Variants in ACIN1 observed in about 807,000 individuals in gnomAD.
The protein encoded by ACIN1 is apoptotic chromatin condensation inducer 1.
In ACIN1, 16 loss-of-function variants were observed where a neutral mutation model predicts 146.6. That is an observed-to-expected ratio of 0.11 (90% CI 0.07 to 0.17). The LOEUF (loss-of-function observed/expected upper bound fraction) is 0.17. Among genes scored for constraint, ACIN1 ranks in the 10% least tolerant of loss-of-function variants. The pLI, the probability that ACIN1 is intolerant of heterozygous loss-of-function variation, is 1.00. For synonymous variants in ACIN1, 569 were observed against 582.7 expected (o/e 0.98, Z 0.34); for missense variants, 1,357 against 1,609.3 (o/e 0.84, Z 2.68).
intron 8 of ACIN1, chr14:23,071,087 G>A (rs765498492): frequency 2.0e-6 from 3 of 1,537,488 alleles, no homozygotes; most frequent in South Asian, 2.4e-5. Flanking sequence ...AGCTAGGGCG[G>A]CGGGGAAAAG....
At chr14:23,093,977 C>A (rs2048296827) in intron 1 of ACIN1, among the ~76,000 whole-genome samples, 1 of 152,086 alleles carries the variant, frequency 6.6e-6, no homozygotes, top group African/African-American at 2.4e-5. Context: ...TACCCAGTAC[C>A]AGGGTCAATT....
chr14:23,085,508 G>A (rs2048068544), intron 4 of ACIN1, among the ~76,000 whole-genome samples: 1 of 152,148 alleles, frequency 6.6e-6, no homozygotes. Flanking sequence ...TAGGATTTCT[G>A]GATGATTACT....
rs1566762750 is a variant in ACIN1, at chr14:23,094,999, A to G, written c.114T>C (p.Ser38=). 9.3e-6 allele frequency: 15 copies of G among 1,607,014 alleles called. No homozygotes were observed. Among genetic ancestry groups the G allele is most frequent in the Non-Finnish European group, 1.0e-5 (12 of 1,179,682 alleles). The part of the protein sequence containing the change: ...QRGLAKSGQK[S]ALVKRLKGAL... ...CCCCTTTGAGCCGCTTGACCAGGGC[A>G]CTCTTCTGCCCGCTCTTGGCTAGGC... Residue 38 remains serine, a synonymous_variant, in exon 1 of 19, where the codon AGT becomes AGC. Transcript: ENST00000605057.
rs181147815 is a variant in ACIN1 at position 23,070,723 on chromosome 14, C to T, written c.2124-1106G>A. The stretch of plus-strand genomic sequence containing the variant: ...AGAGGGGAAACCAAGCCTCCCAGGC[C>T]GATAACCACCACCAGAAAAGTCAGC... On this transcript the variant is annotated intron_variant, in intron 8 of 18. Coordinates refer to ENST00000605057, the MANE Select transcript of ACIN1 (RefSeq NM_001386863.1). Among the ~76,000 whole-genome samples, 143 of 152,216 alleles carry T rather than the reference C, an allele frequency of 9.4e-4. 2 individuals are homozygous for T. The highest frequency in any genetic ancestry group is 3.4e-3 in the Middle Eastern group (1 of 294).
chr14:23,087,369 G>A (rs1291385861), intron 4 of ACIN1, among the ~76,000 whole-genome samples: 1 of 151,828 alleles, frequency 6.6e-6, no homozygotes, highest in African/African-American at 2.4e-5. Context: ...AAAGGACACT[G>A]AAGAGCATTT....
intron 8 of ACIN1, among the ~76,000 whole-genome samples, chr14:23,072,093 T>C (rs945640355): frequency 7.2e-5 from 11 of 152,292 alleles, no homozygotes; most frequent in African/African-American, 2.2e-4. Flanking sequence ...GAATTGTCAC[T>C]ATCCAATCAC....
intron 5 of ACIN1, 86 bp from the exon 6 acceptor site, chr14:23,080,895 G>T: frequency 6.6e-7 from 1 of 1,510,074 alleles, no homozygotes; most frequent in East Asian, 2.3e-5. Context: ...ACACCCCTAG[G>T]AAGGAGAAAT....
rs1442683244 is a variant in ACIN1, at chr14:23,068,712, A to G, written c.2265+764T>C. Reference sequence around the variant, plus strand: ...ACGGGGAAGAAGGACCTTGTAATAAATAATATTCTGCACATCAAATCACTT... The same window carrying G: ...ACGGGGAAGAAGGACCTTGTAATAAGTAATATTCTGCACATCAAATCACTT... On this transcript the variant is annotated intron_variant, in intron 9 of 18. Transcript: ENST00000605057. The surrounding 1 kb of genome is among the most constrained non-coding windows in gnomAD (Gnocchi z 4.3). The G allele has an allele frequency of 1.0e-6, 1 of 985,584 alleles. No homozygotes were observed. The highest frequency in any genetic ancestry group is 1.2e-6 in the Non-Finnish European group (1 of 829,992). 61.1% of individuals were successfully genotyped at this position (985,584 alleles called of 1,614,324 possible).
At chr14:23,066,043 AAGAG>A (rs754051593) in intron 9 of ACIN1, 35 bp from the exon 10 acceptor site, 14 of 1,588,254 alleles carry the variant, frequency 8.8e-6, no homozygotes, top group African/African-American at 1.4e-5. Context: ...AAAAAAGAGA[AAGAG>A]AGACACCCCA....
At chr14:23,071,350 A>G in intron 8 of ACIN1, 2 of 1,520,136 alleles carry the variant, frequency 1.3e-6, no homozygotes, top group Non-Finnish European at 8.8e-7. Flanking sequence ...AAAAATGGTA[A>G]ATGGAAGGGG....
intron 4 of ACIN1, among the ~76,000 whole-genome samples, chr14:23,088,727 T>C (rs2048149762): frequency 6.6e-6 from 1 of 152,078 alleles, no homozygotes; most frequent in Non-Finnish European, 1.5e-5. Flanking sequence ...ACATGTCTTA[T>C]ATACATATTA....
At chr14:23,073,829 T>C (rs1056502843) in intron 8 of ACIN1, among the ~76,000 whole-genome samples, 4 of 151,678 alleles carry the variant, frequency 2.6e-5, no homozygotes, top group African/African-American at 4.9e-5. Flanking sequence ...AATTTTGTTA[T>C]TGAAAATTCC....
At chr14:23,064,641 G>C in intron 10 of ACIN1, 153 bp from the exon 11 acceptor site, 1 of 1,108,596 alleles carries the variant, frequency 9.0e-7, no homozygotes, top group African/African-American at 1.6e-5. Context: ...GCTCACACCT[G>C]TAATCCCAGC....
At chr14:23,063,884 G>C (rs1444971849) in intron 12 of ACIN1, among the ~76,000 whole-genome samples, 5 of 152,214 alleles carry the variant, frequency 3.3e-5, no homozygotes, top group African/African-American at 9.7e-5. Context: ...AACAGCCACA[G>C]ACAAAAGTGA....
At chr14:23,072,990 T>G (rs1163770058) in intron 8 of ACIN1, among the ~76,000 whole-genome samples, 2 of 152,222 alleles carry the variant, frequency 1.3e-5, no homozygotes, top group Non-Finnish European at 2.9e-5. Flanking sequence ...TGTTAGCTCT[T>G]AAGAGTCTGG....
chr14:23,059,586 A>G lies in ACIN1; in HGVS notation c.3526-112T>C, dbSNP rs2047201680. 1.3e-5 allele frequency: 10 copies of G among 786,282 alleles called. No individual in the cohort carries two copies. The South Asian group carries it at 1.6e-4, about 12-fold the overall frequency. 48.7% of individuals were successfully genotyped at this position (786,282 alleles called of 1,614,324 possible). ...GGGTCAGCTTTTCAGTTAAACAGGA[A>G]GGGGTTGGGGGCTCAACAACTGCAT... On this transcript the variant is annotated intron_variant, in intron 18 of 18. Coordinates refer to ENST00000605057, the MANE Select transcript of ACIN1 (RefSeq NM_001386863.1).
rs749719799 is a variant in ACIN1 at position 23,061,444 on chromosome 14, C to T, written c.3278G>A (p.Arg1093Gln). Residue 1093 changes from arginine (R) to glutamine (Q), a missense_variant, in exon 17 of 19, where the codon CGG becomes CAG. By Grantham distance (43) the Arg-to-Gln change is conservative. This residue lies in a region of ACIN1 where 509 missense variants were observed against 719.6 expected (regional missense o/e 0.71). Coordinates refer to ENST00000605057, the MANE Select transcript of ACIN1 (RefSeq NM_001386863.1). ...AVREQWAERE[R>Q]EMERRERTRS... ...AGTCCGCTCCCGCCGCTCCATTTCC[C>T]GTTCCCGTTCTGCCCACTGTTCCCG... 2.5e-6 allele frequency: 4 copies of T among 1,575,370 alleles called. No individual in the cohort carries two copies. Among genetic ancestry groups the T allele is most frequent in the Middle Eastern group, 1.7e-4 (1 of 5,852 alleles).
Position 23,078,889 on chromosome 14 carries a change from G to A in ACIN1, c.1938C>T (p.Val646=), listed in dbSNP as rs1230800738. Residue 646 remains valine, a synonymous_variant, in exon 7 of 19, where the codon GTC becomes GTT. Transcript: ENST00000605057. ...KERTSTSSSS[V]QARRLSQPES... is the part of the protein sequence containing the mutation. ...CAGGCTGACTCAGACGCCTTGCTTG[G>A]ACAGAGGATGAGGAGGTGGAAGTCC... 5 of 1,613,874 alleles carry A rather than the reference G, an allele frequency of 3.1e-6. No homozygotes were observed. The highest frequency in any genetic ancestry group is 2.5e-6 in the Non-Finnish European group (3 of 1,180,038).
intron 5 of ACIN1, among the ~76,000 whole-genome samples, chr14:23,081,254 C>T (rs1229668550): frequency 8.3e-6 from 1 of 120,542 alleles, no homozygotes; most frequent in African/African-American, 4.0e-5. Context: ...TTGTATTCTG[C>T]CCACTTAGTG....
Sources: gnomAD v4.1 joint callset for allele counts (sites outside exome capture counted in the v4.1 genomes callset) on GRCh38, gnomAD v4.1.1 for gene constraint, gnomAD v4.1.1 regional missense constraint, Gnocchi (gnomAD v3.1) non-coding constraint, MANE v1.5 for transcripts, NCBI Gene and HGNC (gene_info 2026-07-23, HGNC 2026-07-21) for gene names.